Variants in TRPM3 observed in about 807,000 individuals in gnomAD.
The protein encoded by TRPM3 is transient receptor potential cation channel subfamily M member 3, also known as long transient receptor potential channel 3.
A neutral mutation model predicts 181.2 loss-of-function variants in TRPM3; 77 were observed. That is an observed-to-expected ratio of 0.42 (90% CI 0.35 to 0.51). The LOEUF is 0.51. TRPM3 is among the 20% of genes least tolerant of loss of function. The pLI is 0.01. For missense variants in TRPM3, 1,759 were observed against 2,196.7 expected (o/e 0.80, Z 3.98); for synonymous variants, 745 against 796.4 (o/e 0.94, Z 1.09).
chr9:71,362,070 G>A (rs186158055), intron 1 of TRPM3, among the ~76,000 whole-genome samples: 1 of 152,216 alleles, frequency 6.6e-6, no homozygotes, highest in Non-Finnish European at 1.5e-5. Context: ...AAGGCACCTT[G>A]GGCTGCTAAA....
At chr9:70,864,086 T>C (rs774029335) in intron 2 of TRPM3, among the ~76,000 whole-genome samples, 26 of 152,078 alleles carry the variant, frequency 1.7e-4, no homozygotes, top group Non-Finnish European at 2.1e-4. Flanking sequence ...TGTCTCCTTT[T>C]TTCCTATTGC....
intron 1 of TRPM3, among the ~76,000 whole-genome samples, chr9:71,197,463 T>C (rs1399487536): frequency 6.6e-6 from 1 of 152,060 alleles, no homozygotes; most frequent in Non-Finnish European, 1.5e-5. Context: ...TCCACAAGGG[T>C]TGAACTAGTT....
rs1482226505 is a variant in TRPM3, at chr9:70,917,489, A to G, written c.178-52978T>C. ...CACTGTCACTGCCACCACCAGCACC[A>G]GGGCCAAGGGAGCCACCACGATAAC... On this transcript the variant is annotated intron_variant, in intron 1 of 25. Coordinates refer to ENST00000677713, the MANE Select transcript of TRPM3 (RefSeq NM_001366145.2). The G allele has an allele frequency of 3.0e-5, 22 of 730,664 alleles. 1 individual carries two copies. Among genetic ancestry groups the G allele is most frequent in the Non-Finnish European group, 7.6e-6 (3 of 396,166 alleles). 45.3% of individuals were successfully genotyped at this position (730,664 alleles called of 1,614,324 possible).
intron 1 of TRPM3, among the ~76,000 whole-genome samples, chr9:70,901,897 C>A (rs1049801372): frequency 2.6e-5 from 4 of 152,136 alleles, no homozygotes; most frequent in African/African-American, 9.7e-5. Flanking sequence ...AAGCTTTAAC[C>A]AGCTGATGAT....
intron 1 of TRPM3, among the ~76,000 whole-genome samples, chr9:71,336,633 C>G (rs889859448): frequency 6.6e-6 from 1 of 152,144 alleles, no homozygotes. Context: ...AAAAAAGAGC[C>G]TGCATAACCA....
chr9:71,050,493 G>A (rs2059945698), intron 1 of TRPM3, among the ~76,000 whole-genome samples: 1 of 151,824 alleles, frequency 6.6e-6, no homozygotes, highest in East Asian at 1.9e-4. Context: ...GTAATGAGTG[G>A]GCATCTCTCA....
intron 1 of TRPM3, among the ~76,000 whole-genome samples, chr9:71,190,019 AT>A (rs1363039446): frequency 1.3e-5 from 2 of 151,866 alleles, no homozygotes; most frequent in African/African-American, 4.8e-5. Flanking sequence ...TGTTATCCTG[AT>A]TTTTGTGTCA....
chr9:71,395,233 C>A (rs1347530935), intron 1 of TRPM3, among the ~76,000 whole-genome samples: 2 of 152,166 alleles, frequency 1.3e-5, no homozygotes, highest in Admixed American at 1.3e-4. Flanking sequence ...CAGTGTATCC[C>A]TAGTCTGTAT....
intron 6 of TRPM3, among the ~76,000 whole-genome samples, chr9:70,792,134 G>A (rs1234202779): frequency 6.6e-6 from 1 of 152,166 alleles, no homozygotes; most frequent in African/African-American, 2.4e-5. Flanking sequence ...CATAGAAGGC[G>A]CAGCCCTGCT....
At chr9:70,572,319 C>T (rs1027689775) in intron 22 of TRPM3, among the ~76,000 whole-genome samples, 1 of 152,158 alleles carries the variant, frequency 6.6e-6, no homozygotes, top group South Asian at 2.1e-4. Flanking sequence ...ATTCTTTACC[C>T]AGTCTCCGTT....
At chr9:70,636,162 C>A (rs964758933) in intron 11 of TRPM3, among the ~76,000 whole-genome samples, 1 of 151,920 alleles carries the variant, frequency 6.6e-6, no homozygotes, top group Non-Finnish European at 1.5e-5. Context: ...TCATATGTAA[C>A]AAATGAGCTT....
intron 1 of TRPM3, among the ~76,000 whole-genome samples, chr9:71,118,647 G>T (rs559889601): frequency 1.3e-5 from 2 of 152,272 alleles, no homozygotes; most frequent in African/African-American, 4.8e-5. Context: ...GAGAGGGCAG[G>T]TCATATTAGA....
At chr9:70,600,108 G>T (rs764236872) in intron 20 of TRPM3, among the ~76,000 whole-genome samples, 8 of 152,136 alleles carry the variant, frequency 5.3e-5, no homozygotes, top group Non-Finnish European at 1.0e-4. Flanking sequence ...CCACACATGG[G>T]TCTATGAAAT....
At chr9:70,652,443 G>A (rs935227052) in intron 9 of TRPM3, among the ~76,000 whole-genome samples, 6 of 152,072 alleles carry the variant, frequency 3.9e-5, no homozygotes, top group Admixed American at 1.3e-4. Context: ...GGAAGGTGAA[G>A]TGAAGAAATA....
intron 7 of TRPM3, among the ~76,000 whole-genome samples, chr9:70,781,346 A>AAAAAAAAAAAG (rs1564254422): frequency 6.8e-6 from 1 of 147,514 alleles, no homozygotes; most frequent in South Asian, 2.2e-4. Flanking sequence ...AAAAAAAAAA[A>AAAAAAAAAAAG]AAAGAAAACA....
intron 1 of TRPM3, among the ~76,000 whole-genome samples, chr9:71,097,245 G>C (rs1200772310): frequency 5.9e-5 from 9 of 152,024 alleles, no homozygotes; most frequent in Admixed American, 2.6e-4. Context: ...GTGATATTCA[G>C]AACACTTAGG....
At chr9:70,627,013 C>T (rs1319950349) in intron 12 of TRPM3, among the ~76,000 whole-genome samples, 1 of 152,110 alleles carries the variant, frequency 6.6e-6, no homozygotes, top group African/African-American at 2.4e-5. Flanking sequence ...ACCAGTAAAA[C>T]AGTGAAATTA....
At chr9:70,572,114 TTGTGTGTGTGTG>T (rs58492210) in intron 22 of TRPM3, among the ~76,000 whole-genome samples, 2 of 149,966 alleles carry the variant, frequency 1.3e-5, no homozygotes, top group African/African-American at 4.9e-5. Flanking sequence ...TCCCAGTTAC[TTGTGTGTGTGTG>T]TGTGTGTGTG....
intron 5 of TRPM3, among the ~76,000 whole-genome samples, chr9:70,831,965 A>ATC (rs2093935789): frequency 1.5e-5 from 1 of 64,554 alleles, no homozygotes; most frequent in South Asian, 6.1e-4. Flanking sequence ...CCCCATAAAT[A>ATC]TATATATATA....
Sources: gnomAD v4.1 joint callset for allele counts (sites outside exome capture counted in the v4.1 genomes callset) on GRCh38, gnomAD v4.1.1 for gene constraint, MANE v1.5 for transcripts, NCBI Gene and HGNC (gene_info 2026-07-23, HGNC 2026-07-21) for gene names.